The following USP13 variants were observed in gnomAD, a reference collection of about 807,000 sequenced individuals.
USP13 encodes the protein ubiquitin specific peptidase 13, also known as ubiquitin carboxyl-terminal hydrolase 13.
In USP13, 68 loss-of-function variants were observed where a neutral mutation model predicts 107.8. The observed-to-expected ratio is 0.63, with a 90% CI of 0.52 to 0.77. USP13 has a LOEUF of 0.77. USP13 is among the 30% of genes least tolerant of loss of function. The pLI, the probability that USP13 is intolerant of heterozygous loss-of-function variation, is 0.00. For synonymous variants in USP13, 377 were observed against 389.5 expected, an observed-to-expected ratio of 0.97 and a Z score of 0.38; for missense variants, 945 against 1,093.3, an observed-to-expected ratio of 0.86 and a Z score of 1.91.
Position 179,721,319 on chromosome 3 carries a change from T to C in USP13, c.901-83T>C, listed in dbSNP as rs1713308175. The stretch of plus-strand genomic sequence containing the variant: ...GGAAAAAAATGGCAGAAACATCCTA[T>C]GCTGTTAGAAATAATTAACGGGACA... On this transcript the variant is annotated intron_variant, in intron 7 of 20. Transcript: ENST00000263966. The surrounding 1 kb of genome is among the most constrained non-coding windows in gnomAD (Gnocchi z 4.3). 1.4e-6 allele frequency: 2 copies of C among 1,459,092 alleles called. No homozygotes were observed. The highest frequency in any genetic ancestry group is 2.8e-5 in the African/African-American group (2 of 70,948). The allele number at this position is 1,459,092 out of a possible 1,614,324, so 90.4% of individuals were successfully genotyped here.
chr3:179,765,521 G>A (rs975102818), intron 18 of USP13, among the ~76,000 whole-genome samples, 174 bp from the exon 19 acceptor site: 1 of 152,196 alleles, frequency 6.6e-6, no homozygotes, highest in Non-Finnish European at 1.5e-5. Context: ...AGAATGCCAT[G>A]CCAACTGAAC....
intron 8 of USP13, among the ~76,000 whole-genome samples, chr3:179,727,758 C>T (rs1317874676): frequency 3.2e-5 from 3 of 92,706 alleles, no homozygotes; most frequent in Non-Finnish European, 7.3e-5. Flanking sequence ...AGAGGCGCCC[C>T]TCACCTCCCG....
chr3:179,764,691 G>A (rs1258497031), intron 18 of USP13, among the ~76,000 whole-genome samples: 1 of 152,148 alleles, frequency 6.6e-6, no homozygotes, highest in Non-Finnish European at 1.5e-5. Context: ...AGAAACAAGG[G>A]ACTCTGAAAC....
Position 179,745,187 on chromosome 3 carries a change from G to A in USP13, c.1679G>A (p.Ser560Asn). 1.2e-6 allele frequency: 2 copies of A among 1,613,924 alleles called. No individual in the cohort carries two copies. Among genetic ancestry groups the A allele is most frequent in the Non-Finnish European group, 1.7e-6 (2 of 1,180,002 alleles). ...EPENVDDFWS[S>N]ALQAKSAGVK... ...GAAAATGTTGATGATTTCTGGAGCA[G>A]TGCCCTACAAGCAAAGTCTGCGGGT... The change falls in exon 13 of 21, where the codon AGT (serine) becomes AAT (asparagine). Residue 560 changes from serine to asparagine, a missense_variant. Physicochemically the swap from Ser to Asn is conservative, Grantham distance 46 (BLOSUM62 1). Coordinates refer to ENST00000263966, the MANE Select transcript of USP13 (RefSeq NM_003940.3).
chr3:179,725,100 T>C (rs1331526160), intron 8 of USP13, among the ~76,000 whole-genome samples: 1 of 152,118 alleles, frequency 6.6e-6, no homozygotes, highest in Non-Finnish European at 1.5e-5. Context: ...TGACACCAGA[T>C]ACTCGGGAGG....
intron 1 of USP13, among the ~76,000 whole-genome samples, chr3:179,669,464 A>C (rs1311001764): frequency 1.3e-5 from 2 of 151,976 alleles, no homozygotes; most frequent in African/African-American, 4.8e-5. Flanking sequence ...GTCTCAAAAA[A>C]AAAAAATTAA....
intron 3 of USP13, among the ~76,000 whole-genome samples, chr3:179,695,533 A>AT (rs199646442): frequency 0.025 from 3,665 of 144,372 alleles, 135 homozygotes; most frequent in African/African-American, 0.084. Context: ...TTTTGCTGCT[A>AT]TTTTTTTTTT....
At position 179,721,726 on chromosome 3, in the gene USP13, C is replaced by T. The variant is rs999849406; in HGVS notation, c.1088+137C>T. 7.7e-6 allele frequency: 7 copies of T among 912,688 alleles called. No homozygotes were observed. The highest frequency in any genetic ancestry group is 3.5e-4 in the Middle Eastern group (1 of 2,882). 56.5% of individuals were successfully genotyped at this position (912,688 alleles called of 1,614,324 possible). On this transcript the variant is annotated intron_variant, in intron 8 of 20. Transcript: ENST00000263966. The surrounding 1 kb of genome is among the most constrained non-coding windows in gnomAD (Gnocchi z 4.3). ...CACCTTTTCTCTGGCCTGCCTTCTA[C>T]AGAGACTGGGTGAGAACACTTGTCA...
chr3:179,704,951 C>T (rs557596679), intron 4 of USP13, among the ~76,000 whole-genome samples: 77 of 152,162 alleles, frequency 5.1e-4, no homozygotes, highest in African/African-American at 1.7e-3. Flanking sequence ...CATAGCAGAT[C>T]ACTCTGGCAG....
chr3:179,729,153 C>G (rs1189680013), intron 8 of USP13, among the ~76,000 whole-genome samples: 1 of 152,104 alleles, frequency 6.6e-6, no homozygotes, highest in Non-Finnish European at 1.5e-5. Context: ...ACTCTGATTC[C>G]AACAAGGTCA....
At chr3:179,780,214 C>T (rs908325594) in intron 19 of USP13, among the ~76,000 whole-genome samples, 4 of 152,136 alleles carry the variant, frequency 2.6e-5, no homozygotes, top group African/African-American at 9.7e-5. Flanking sequence ...TAACATTGTA[C>T]AGGAGGTTCT....
intron 10 of USP13, among the ~76,000 whole-genome samples, chr3:179,738,826 A>ATTTTG (rs571552597): frequency 1.1e-4 from 16 of 152,120 alleles, no homozygotes; most frequent in Non-Finnish European, 1.9e-4. Context: ...TCAGCATCTA[A>ATTTTG]TTTTGTTTTG....
intron 1 of USP13, among the ~76,000 whole-genome samples, chr3:179,660,753 G>A (rs11914526): frequency 0.053 from 8,127 of 152,264 alleles, 428 homozygotes; most frequent in East Asian, 0.13. Context: ...TCCTCCTGAT[G>A]GATAAACTGA....
intron 3 of USP13, among the ~76,000 whole-genome samples, chr3:179,696,027 A>G (rs1024135233): frequency 1.3e-5 from 2 of 152,180 alleles, no homozygotes; most frequent in Non-Finnish European, 2.9e-5. Flanking sequence ...ATTCCTTCCA[A>G]TAACTCCATA....
In USP13 at chr3:179,742,407, A is replaced by C; in HGVS notation, c.1534+57A>C. The C allele has an allele frequency of 6.2e-7, 1 of 1,603,490 alleles. No individual in the cohort carries two copies. The highest frequency in any genetic ancestry group is 1.3e-5 in the African/African-American group (1 of 74,702). On this transcript the variant is annotated intron_variant, in intron 12 of 20. Coordinates refer to ENST00000263966, the MANE Select transcript of USP13 (RefSeq NM_003940.3). The surrounding 1 kb of genome is among the most constrained non-coding windows in gnomAD (Gnocchi z 5.0). ...TGTGTCTTCATATGGGAAAACCCTC[A>C]AATCAGAGAGAATGGTTTAGTCACT...
chr3:179,754,898 G>A (rs2108527503), intron 15 of USP13, 44 bp downstream of exon 15: 1 of 1,550,602 alleles, frequency 6.4e-7, no homozygotes. Flanking sequence ...CTCCCACCCT[G>A]TTCTATAGGA....
chr3:179,781,898 T>C, intron 20 of USP13, 75 bp downstream of exon 20: 1 of 1,271,012 alleles, frequency 7.9e-7, no homozygotes, highest in Admixed American at 1.7e-5. Context: ...CTCTCCTAGG[T>C]ACATTGTATG....
chr3:179,721,488 A>T lies in USP13; in HGVS notation c.987A>T (p.Pro329=). The T allele has an allele frequency of 1.2e-6, 2 of 1,614,178 alleles. No homozygotes were observed. The highest frequency in any genetic ancestry group is 1.7e-6 in the Non-Finnish European group (2 of 1,180,044). The part of the protein sequence containing the change: ...VIQESGTKLK[P]MYGPGYTGLK... ...AGGAGTCGGGCACGAAACTGAAGCCAATGTATGGTCCTGGCTACACGGGTC... is the reference window on the plus strand; with the variant it reads ...AGGAGTCGGGCACGAAACTGAAGCCTATGTATGGTCCTGGCTACACGGGTC... The change falls in exon 8 of 21, where the codon CCA becomes CCT. Residue 329 remains proline (P), a synonymous_variant. Transcript: ENST00000263966. The surrounding 1 kb of genome is among the most constrained non-coding windows in gnomAD (Gnocchi z 4.3).
At chr3:179,700,443 C>G (rs911454430) in intron 3 of USP13, among the ~76,000 whole-genome samples, 1 of 152,184 alleles carries the variant, frequency 6.6e-6, no homozygotes, top group Non-Finnish European at 1.5e-5. Context: ...GAGATACATG[C>G]TATTATCTTC....
Sources: allele counts gnomAD v4.1 joint callset (sites outside exome capture counted in the v4.1 genomes callset), GRCh38; gene constraint gnomAD v4.1.1; non-coding constraint Gnocchi (gnomAD v3.1); transcripts MANE v1.5; gene names NCBI Gene and HGNC (gene_info 2026-07-23, HGNC 2026-07-21).